TAF3: variants seen among roughly 807,000 people sequenced by gnomAD.
The protein encoded by TAF3 is TATA-box binding protein associated factor 3, also known as transcription initiation factor TFIID subunit 3.
TAF3 carries 7 observed loss-of-function variants against 80.6 expected under a neutral mutation model. That is an observed-to-expected ratio of 0.09 (90% confidence interval 0.05 to 0.16). The LOEUF (loss-of-function observed/expected upper bound fraction) is 0.16. Among genes scored for constraint, TAF3 ranks in the 10% least tolerant of loss-of-function variants. The pLI, the probability that TAF3 is intolerant of heterozygous loss-of-function variation, is 1.00. For missense variants in TAF3, 921 were observed against 1,140.2 expected, an observed-to-expected ratio of 0.81 and a Z score of 2.77; for synonymous variants, 444 against 446.1, an observed-to-expected ratio of 1.00 and a Z score of 0.06.
intron 5 of TAF3, among the ~76,000 whole-genome samples, chr10:8,011,501 C>T (rs1159241390): frequency 6.6e-6 from 1 of 152,106 alleles, no homozygotes; most frequent in African/African-American, 2.4e-5. Flanking sequence ...GTCTCAAACT[C>T]CTGGGCTCAA....
chr10:7,846,051 T>C (rs898993102), intron 2 of TAF3, among the ~76,000 whole-genome samples: 46 of 149,544 alleles, frequency 3.1e-4, no homozygotes, highest in Admixed American at 4.7e-4. Context: ...CTCCGCCTCC[T>C]GGGTTCACGC....
At chr10:7,861,071 C>T (rs1273571494) in intron 2 of TAF3, among the ~76,000 whole-genome samples, 1 of 152,006 alleles carries the variant, frequency 6.6e-6, no homozygotes, top group Non-Finnish European at 1.5e-5. Context: ...ATGCCATTCT[C>T]CTGCCTCAGC....
intron 2 of TAF3, among the ~76,000 whole-genome samples, chr10:7,875,245 A>G (rs1837303306): frequency 6.6e-6 from 1 of 152,156 alleles, no homozygotes; most frequent in Non-Finnish European, 1.5e-5. Flanking sequence ...TTAACCATTT[A>G]AGTTGCAGGT....
chr10:7,952,311 A>G (rs984613679), intron 2 of TAF3, among the ~76,000 whole-genome samples: 1 of 152,184 alleles, frequency 6.6e-6, no homozygotes, highest in Non-Finnish European at 1.5e-5. Context: ...CTATTATGCT[A>G]TTGTAATCAT....
intron 2 of TAF3, among the ~76,000 whole-genome samples, chr10:7,830,424 C>T (rs1349634184): frequency 8.5e-5 from 12 of 141,716 alleles, no homozygotes; most frequent in Non-Finnish European, 4.6e-5. Flanking sequence ...TCCCTAGACA[C>T]ATTAATTTAA....
At chr10:7,887,285 G>T (rs550817035) in intron 2 of TAF3, among the ~76,000 whole-genome samples, 126 of 151,768 alleles carry the variant, frequency 8.3e-4, no homozygotes, top group Admixed American at 2.8e-3. Context: ...GAGGAAAACT[G>T]AATCTAAAGC....
chr10:7,861,529 T>C (rs1251864864), intron 2 of TAF3, among the ~76,000 whole-genome samples: 1 of 152,198 alleles, frequency 6.6e-6, no homozygotes, highest in Non-Finnish European at 1.5e-5. Context: ...GACTGAGACG[T>C]GAAATCAGCC....
chr10:7,998,935 G>A (rs1396742500), intron 4 of TAF3, among the ~76,000 whole-genome samples: 1 of 152,108 alleles, frequency 6.6e-6, no homozygotes, highest in Non-Finnish European at 1.5e-5. Context: ...TTATGTGTTT[G>A]GTATAGCTGA....
At position 8,009,152 on chromosome 10, in the gene TAF3, C is replaced by T. The variant is rs1346771185; in HGVS notation, c.2390C>T (p.Pro797Leu). The change falls in exon 5 of 7, where the codon CCG (proline) becomes CTG (leucine). Residue 797 changes from proline (P) to leucine (L), a missense_variant. By Grantham distance (98) the Pro-to-Leu change is moderately conservative. This residue lies in a region of TAF3 where 743 missense variants were observed against 821.0 expected (regional missense o/e 0.90). Coordinates refer to ENST00000344293, the MANE Select transcript of TAF3 (RefSeq NM_031923.4). The surrounding 1 kb of genome is among the most constrained non-coding windows in gnomAD (Gnocchi z 4.1). ...PSQNRPKTPP[P>L]APAPAPGPML... ...CAGAACAGGCCGAAGACCCCACCGC[C>T]GGCCCCCGCGCCCGCCCCCGGCCCC... is the stretch of plus-strand genomic sequence containing the variant. The T allele has an allele frequency of 4.4e-6, 7 of 1,576,862 alleles. No homozygotes were observed. Among genetic ancestry groups the T allele is most frequent in the Admixed American group, 1.7e-5 (1 of 58,736 alleles).
At chr10:7,870,981 T>C (rs896118917) in intron 2 of TAF3, among the ~76,000 whole-genome samples, 5 of 152,212 alleles carry the variant, frequency 3.3e-5, no homozygotes, top group Non-Finnish European at 7.3e-5. Context: ...TTAGATTGTA[T>C]GTATCTGTGA....
intron 4 of TAF3, among the ~76,000 whole-genome samples, chr10:8,004,554 GT>G (rs1831974068): frequency 6.6e-6 from 1 of 151,872 alleles, no homozygotes. Flanking sequence ...CCTTAAAGAT[GT>G]TTTCAAAGAC....
intron 2 of TAF3, among the ~76,000 whole-genome samples, chr10:7,943,097 C>G (rs1449997303): frequency 6.6e-6 from 1 of 152,218 alleles, no homozygotes; most frequent in Non-Finnish European, 1.5e-5. Context: ...GGTTGTGATC[C>G]TGCTCAGATC....
intron 2 of TAF3, among the ~76,000 whole-genome samples, chr10:7,877,156 A>G (rs1330629951): frequency 6.6e-6 from 1 of 152,062 alleles, no homozygotes; most frequent in Non-Finnish European, 1.5e-5. Context: ...TGGTAAACAC[A>G]AATTTAGGTG....
intron 4 of TAF3, among the ~76,000 whole-genome samples, chr10:7,995,615 A>C (rs1419762160): frequency 2.0e-5 from 3 of 152,222 alleles, no homozygotes; most frequent in African/African-American, 7.2e-5. Flanking sequence ...TGGAGATTCT[A>C]TAATGGCTAT....
intron 4 of TAF3, among the ~76,000 whole-genome samples, chr10:7,983,464 G>A (rs759265695): frequency 6.6e-6 from 1 of 152,174 alleles, no homozygotes; most frequent in Non-Finnish European, 1.5e-5. Context: ...TAGATGTAAC[G>A]TTTGGGAACA....
At position 7,965,795 on chromosome 10, in the gene TAF3, A is replaced by G. The variant is rs1588569796; in HGVS notation, c.2232+53A>G. 2.7e-5 allele frequency: 39 copies of G among 1,433,012 alleles called. No individual in the cohort carries two copies. The East Asian group carries it at 9.8e-4, about 36-fold the overall frequency. The allele number at this position is 1,433,012 out of a possible 1,614,324, so 88.8% of individuals were successfully genotyped here. Reference sequence around the variant, plus strand: ...TCTGAACAGAGTCCTAGTGAGAAACACAGGTAAACAAAGCCCACAATTATA... The same window carrying G: ...TCTGAACAGAGTCCTAGTGAGAAACGCAGGTAAACAAAGCCCACAATTATA... On this transcript the variant is annotated intron_variant, in intron 3 of 6. Coordinates refer to ENST00000344293, the MANE Select transcript of TAF3 (RefSeq NM_031923.4).
At chr10:7,920,178 A>G (rs1837748816) in intron 2 of TAF3, among the ~76,000 whole-genome samples, 1 of 152,134 alleles carries the variant, frequency 6.6e-6, no homozygotes, top group Non-Finnish European at 1.5e-5. Context: ...TCTTGAGTGC[A>G]GGTGATCGAG....
chr10:7,938,114 G>A (rs1325783589), intron 2 of TAF3, among the ~76,000 whole-genome samples: 1 of 152,188 alleles, frequency 6.6e-6, no homozygotes, highest in Non-Finnish European at 1.5e-5. Context: ...ATAAAACTTA[G>A]AGTCCTATGA....
chr10:7,897,616 C>T (rs931287863), intron 2 of TAF3, among the ~76,000 whole-genome samples: 3 of 151,724 alleles, frequency 2.0e-5, no homozygotes, highest in Non-Finnish European at 4.4e-5. Flanking sequence ...GTTTTATTTT[C>T]GCATAACTTC....
Sources: gnomAD v4.1 joint callset for allele counts (sites outside exome capture counted in the v4.1 genomes callset) on GRCh38, gnomAD v4.1.1 for gene constraint, gnomAD v4.1.1 regional missense constraint, Gnocchi (gnomAD v3.1) non-coding constraint, MANE v1.5 for transcripts, NCBI Gene and HGNC (gene_info 2026-07-23, HGNC 2026-07-21) for gene names.